Variants in ELP4 observed in about 807,000 individuals in gnomAD.
The protein encoded by ELP4 is elongator acetyltransferase complex subunit 4, also known as elongator complex protein 4.
In ELP4, 51 loss-of-function variants were observed where a neutral mutation model predicts 48.9. The observed-to-expected ratio is 1.04, with a 90% CI of 0.83 to 1.32. The LOEUF (loss-of-function observed/expected upper bound fraction) is 1.32, where lower values mean the gene tolerates loss of function less well. ELP4 is among the 40% of genes most tolerant of loss of function. ELP4 has a pLI of 0.00. For missense variants in ELP4, 519 were observed against 514.6 expected (o/e 1.01, Z -0.08); for synonymous variants, 210 against 189.2 (o/e 1.11, Z -0.90).
chr11:31,600,884 G>A (rs925749697), intron 4 of ELP4, among the ~76,000 whole-genome samples: 25 of 151,860 alleles, frequency 1.6e-4, no homozygotes, highest in African/African-American at 5.8e-4. Context: ...AGTAGAGTAC[G>A]GTATTTTTTT....
intron 9 of ELP4, among the ~76,000 whole-genome samples, chr11:31,740,739 T>C (rs1045096497): frequency 1.3e-5 from 2 of 152,228 alleles, no homozygotes; most frequent in African/African-American, 4.8e-5. Context: ...TTATTTCTTT[T>C]AATAAAACAA....
chr11:31,661,353 G>C (rs1945551057), intron 9 of ELP4, among the ~76,000 whole-genome samples: 1 of 152,038 alleles, frequency 6.6e-6, no homozygotes, highest in Admixed American at 6.6e-5. Context: ...AAGTATCCAA[G>C]AAGAGCACTA....
intron 7 of ELP4, among the ~76,000 whole-genome samples, chr11:31,639,423 T>C (rs533603933): frequency 1.3e-5 from 2 of 152,060 alleles, no homozygotes; most frequent in African/African-American, 4.8e-5. Flanking sequence ...TCAGTCCTTC[T>C]ACCATAGACT....
chr11:31,540,401 AC>A (rs1180257796), intron 3 of ELP4, among the ~76,000 whole-genome samples: 27 of 152,260 alleles, frequency 1.8e-4, no homozygotes, highest in Non-Finnish European at 1.2e-4. Context: ...TAAATATTTT[AC>A]ATTTCTACTT....
chr11:31,607,853 C>T (rs12363287), intron 5 of ELP4, among the ~76,000 whole-genome samples: 5,740 of 152,224 alleles, frequency 0.038, 171 homozygotes, highest in Non-Finnish European at 0.061. Context: ...ACCGCTCGGT[C>T]TTTTAGTTTT....
intron 3 of ELP4, among the ~76,000 whole-genome samples, chr11:31,540,018 A>G (rs1956567590): frequency 6.6e-6 from 1 of 152,212 alleles, no homozygotes; most frequent in African/African-American, 2.4e-5. Flanking sequence ...AGTTGGGGAA[A>G]TATTAAGCTA....
At chr11:31,555,273 C>A (rs1045720877) in intron 3 of ELP4, among the ~76,000 whole-genome samples, 1 of 151,890 alleles carries the variant, frequency 6.6e-6, no homozygotes, top group Non-Finnish European at 1.5e-5. Context: ...TGTGACAGTT[C>A]GTTAAGTTAT....
intron 9 of ELP4, among the ~76,000 whole-genome samples, chr11:31,721,814 G>GT (rs1946966284): frequency 6.6e-6 from 1 of 152,064 alleles, no homozygotes; most frequent in African/African-American, 2.4e-5. Context: ...TCCACGATAC[G>GT]TTTATTTTGT....
chr11:31,735,005 A>T (rs1203069482), intron 9 of ELP4, among the ~76,000 whole-genome samples: 1 of 152,200 alleles, frequency 6.6e-6, no homozygotes, highest in Admixed American at 6.5e-5. Context: ...TGGCATAAAG[A>T]CATACATATA....
chr11:31,612,333 T>C (rs1957997496), intron 5 of ELP4, among the ~76,000 whole-genome samples: 1 of 152,138 alleles, frequency 6.6e-6, no homozygotes, highest in South Asian at 2.1e-4. Context: ...TACTTACCTC[T>C]TGGGAGTTTG....
At chr11:31,734,995 T>G (rs1459241062) in intron 9 of ELP4, among the ~76,000 whole-genome samples, 19 of 152,148 alleles carry the variant, frequency 1.2e-4, no homozygotes, top group Admixed American at 1.2e-3. Context: ...AGTATAATAC[T>G]GGCATAAAGA....
In ELP4 at chr11:31,642,459, T is replaced by C. The variant is rs576268344; in HGVS notation, c.928-5282T>C. Among the ~76,000 whole-genome samples, 4 of 152,038 alleles carry C rather than the reference T, an allele frequency of 2.6e-5. No homozygotes were observed. In the East Asian group the frequency reaches 5.8e-4, roughly 22 times the overall value. ...CCTATTCCTAGTAAAATTTGATATC[T>C]TAGCAGTTTTTTTCACCATCAAGGT... On this transcript the variant is annotated intron_variant, in intron 7 of 9. Transcript: ENST00000640961.
chr11:31,687,932 G>A (rs746939058), intron 9 of ELP4, among the ~76,000 whole-genome samples: 19 of 152,102 alleles, frequency 1.2e-4, no homozygotes, highest in Admixed American at 3.3e-4. Flanking sequence ...GAATGCACAG[G>A]ATTAAAAAAT....
intron 9 of ELP4, among the ~76,000 whole-genome samples, chr11:31,780,167 T>G (rs1399970298): frequency 6.6e-6 from 1 of 152,110 alleles, no homozygotes; most frequent in Admixed American, 6.6e-5. Flanking sequence ...CTATGCAGAG[T>G]ATCTTGCAGC....
chr11:31,623,390 T>TATATATATATATATATATATAA lies in ELP4; in HGVS notation c.654-3719_654-3718insTATATATATATATATATATAAA, dbSNP rs67986763. Among the ~76,000 whole-genome samples the TATATATATATATATATATATAA allele has an allele frequency of 4.6e-4, 43 of 92,578 alleles. 3 individuals are homozygous for TATATATATATATATATATATAA. The highest frequency in any genetic ancestry group is 8.6e-3 in the Middle Eastern group (1 of 116). The allele number at this position is 92,578 out of a possible 152,430, so 60.7% of individuals were successfully genotyped here. Reference sequence around the variant, plus strand: ...ATATATATATATATATATATATATATAAAACTAGAAACATTGCTGGCAAAG... The same window carrying TATATATATATATATATATATAA: ...ATATATATATATATATATATATATATATATATATATATATATATATAAAAAACTAGAAACATTGCTGGCAAAG... On this transcript the variant is annotated intron_variant, in intron 5 of 9. Transcript: ENST00000640961.
At chr11:31,522,395 T>C (rs727076) in intron 2 of ELP4, among the ~76,000 whole-genome samples, 3 of 152,184 alleles carry the variant, frequency 2.0e-5, no homozygotes, top group African/African-American at 7.2e-5. Flanking sequence ...GTAAGTAATA[T>C]ACATGGGAAC....
chr11:31,774,831 G>A (rs1341014452), intron 9 of ELP4, among the ~76,000 whole-genome samples: 2 of 152,180 alleles, frequency 1.3e-5, no homozygotes, highest in Non-Finnish European at 2.9e-5. Context: ...GGCTGTTATT[G>A]CAGAGATCCA....
chr11:31,654,842 T>C (rs557657945), intron 9 of ELP4: 1 of 151,978 alleles, frequency 6.6e-6, no homozygotes, highest in Non-Finnish European at 1.5e-5. Context: ...GATGGTTAAC[T>C]TGCTTGTCAA....
intron 9 of ELP4, among the ~76,000 whole-genome samples, chr11:31,706,446 T>TA (rs1946634388): frequency 6.7e-6 from 1 of 148,766 alleles, no homozygotes; most frequent in Non-Finnish European, 1.5e-5. Flanking sequence ...GCCTAGTCTA[T>TA]ATAGTGAGAC....
Sources: gnomAD v4.1 joint callset for allele counts (sites outside exome capture counted in the v4.1 genomes callset) on GRCh38, gnomAD v4.1.1 for gene constraint, MANE v1.5 for transcripts, NCBI Gene and HGNC (gene_info 2026-07-23, HGNC 2026-07-21) for gene names.